The following TYR variants were observed in gnomAD, a reference collection of about 807,000 sequenced individuals.
TYR encodes the protein tyrosinase, also known as LB24-AB.
TYR carries 58 observed loss-of-function variants against 51.5 expected under a neutral mutation model. The observed-to-expected ratio is 1.13, with a 90% CI of 0.91 to 1.40. The LOEUF is 1.40. Ranked by LOEUF, TYR falls within the 40% of genes most tolerant of loss-of-function variation. The pLI is 0.00. For missense variants in TYR, 732 were observed against 647.4 expected, an observed-to-expected ratio of 1.13 and a Z score of -1.42; for synonymous variants, 263 against 235.2, an observed-to-expected ratio of 1.12 and a Z score of -1.08.
chr11:89,219,851 C>A (rs905109245), intron 2 of TYR, among the ~76,000 whole-genome samples: 1 of 152,198 alleles, frequency 6.6e-6, no homozygotes, highest in South Asian at 2.1e-4. Flanking sequence ...AGGGCCTTTT[C>A]TACCCCAAGA....
chr11:89,206,644 T>C (rs1315924015), intron 2 of TYR, among the ~76,000 whole-genome samples: 7 of 146,598 alleles, frequency 4.8e-5, no homozygotes, highest in East Asian at 2.0e-4. Context: ...TCAACATTGA[T>C]AGAACATTCC....
intron 3 of TYR, among the ~76,000 whole-genome samples, chr11:89,269,844 T>C (rs929410383): frequency 1.3e-5 from 2 of 151,914 alleles, no homozygotes; most frequent in African/African-American, 4.8e-5. Flanking sequence ...GTTTCAACAT[T>C]AGCCAGGAAT....
At chr11:89,281,192 C>T (rs1944717927) in intron 3 of TYR, among the ~76,000 whole-genome samples, 1 of 151,638 alleles carries the variant, frequency 6.6e-6, no homozygotes, top group Admixed American at 6.6e-5. Flanking sequence ...AACTCTGACC[C>T]CTGTGGCTTA....
chr11:89,255,850 G>A (rs1944384778), intron 3 of TYR, among the ~76,000 whole-genome samples: 1 of 150,954 alleles, frequency 6.6e-6, no homozygotes, highest in African/African-American at 2.4e-5. Context: ...TTTTTTAAGA[G>A]GCAGCTTTAG....
intron 2 of TYR, among the ~76,000 whole-genome samples, chr11:89,194,273 G>T (rs949209804): frequency 3.3e-5 from 5 of 151,952 alleles, no homozygotes; most frequent in African/African-American, 1.2e-4. Flanking sequence ...CATTTTGAGT[G>T]TATCTAATAT....
At position 89,282,865 on chromosome 11, in the gene TYR, A is replaced by G. The variant is rs543412060; in HGVS notation, c.1185-1908A>G. On this transcript the variant is annotated intron_variant, in intron 3 of 4. Coordinates refer to ENST00000263321, the MANE Select transcript of TYR (RefSeq NM_000372.5). ...TCATCAATTTTAAAGTTTTTCCAGT[A>G]TAGTCATAATACTTAGGAGGGGGAA... Among the ~76,000 whole-genome samples the G allele has an allele frequency of 2.6e-5, 4 of 151,950 alleles. No individual in the cohort carries two copies. The South Asian group carries it at 6.2e-4, about 24-fold the overall frequency.
chr11:89,292,672 T>A (rs1944863583), intron 4 of TYR, among the ~76,000 whole-genome samples: 1 of 152,170 alleles, frequency 6.6e-6, no homozygotes, highest in South Asian at 2.1e-4. Flanking sequence ...AGTTATTGTT[T>A]TCCCTGGTTT....
chr11:89,264,084 A>C (rs1944495259), intron 3 of TYR, among the ~76,000 whole-genome samples: 1 of 152,016 alleles, frequency 6.6e-6, no homozygotes, highest in Non-Finnish European at 1.5e-5. Flanking sequence ...TAGAGACTTT[A>C]AGTGGGGGAG....
intron 2 of TYR, among the ~76,000 whole-genome samples, chr11:89,201,036 T>A (rs1591149823): frequency 6.6e-6 from 1 of 152,182 alleles, no homozygotes; most frequent in East Asian, 1.9e-4. Flanking sequence ...TGTAAAATAC[T>A]CAGTTAAGTG....
At chr11:89,278,223 T>C (rs2135319640) in intron 3 of TYR, among the ~76,000 whole-genome samples, 1 of 151,770 alleles carries the variant, frequency 6.6e-6, no homozygotes, top group African/African-American at 2.4e-5. Context: ...AGACTTTTCC[T>C]CAGGCCACAG....
intron 1 of TYR, among the ~76,000 whole-genome samples, chr11:89,188,514 G>A (rs1943404516): frequency 6.6e-6 from 1 of 152,044 alleles, no homozygotes; most frequent in African/African-American, 2.4e-5. Flanking sequence ...TGGGAAAGTA[G>A]GGAGAGATGA....
At chr11:89,243,682 A>C (rs1440237011) in intron 3 of TYR, among the ~76,000 whole-genome samples, 11 of 152,304 alleles carry the variant, frequency 7.2e-5, no homozygotes, top group African/African-American at 2.4e-4. Context: ...AAAGTGTAAC[A>C]ATGTCCAACT....
chr11:89,279,230 C>T (rs72965041), intron 3 of TYR, among the ~76,000 whole-genome samples: 10,212 of 151,704 alleles, frequency 0.067, 414 homozygotes, highest in East Asian at 0.12. Flanking sequence ...AAAACTAGAA[C>T]CTTTCTTTTC....
intron 4 of TYR, among the ~76,000 whole-genome samples, chr11:89,292,300 G>A (rs1944860727): frequency 6.6e-6 from 1 of 151,896 alleles, no homozygotes; most frequent in South Asian, 2.1e-4. Context: ...CACTATACCA[G>A]ATTCTAGAAT....
chr11:89,193,276 G>A (rs1305297185), intron 2 of TYR, among the ~76,000 whole-genome samples: 6 of 152,088 alleles, frequency 3.9e-5, no homozygotes, highest in Non-Finnish European at 8.8e-5. Flanking sequence ...TAAGAAGCAT[G>A]GGTTAGTTGC....
intron 2 of TYR, chr11:89,192,092 T>C: frequency 5.1e-6 from 2 of 393,494 alleles, no homozygotes; most frequent in Admixed American, 3.4e-5. Context: ...TCCCTCTCAT[T>C]ATCCCTTAAG....
In TYR at chr11:89,295,214, G is replaced by C. The variant is rs150432265; in HGVS notation, c.1438G>C (p.Gly480Arg). The C allele has an allele frequency of 1.5e-5, 25 of 1,613,866 alleles. No homozygotes were observed. Among genetic ancestry groups the C allele is most frequent in the Non-Finnish European group, 2.0e-5 (24 of 1,179,886 alleles). ...QASRIWSWLL[G>R]AAMVGAVLTA... is the part of the protein sequence containing the mutation. ...GAGTCGGATCTGGTCATGGCTCCTT[G>C]GGGCGGCGATGGTAGGGGCCGTCCT... Residue 480 changes from glycine to arginine, a missense_variant, in exon 5 of 5, where the codon GGG becomes CGG. Gly to Arg is a moderately radical substitution (Grantham distance 125). Coordinates refer to ENST00000263321, the MANE Select transcript of TYR (RefSeq NM_000372.5).
chr11:89,224,068 G>A (rs1431320836), intron 2 of TYR, among the ~76,000 whole-genome samples: 3 of 152,098 alleles, frequency 2.0e-5, no homozygotes, highest in Non-Finnish European at 2.9e-5. Context: ...GATATAGGAT[G>A]AGAGCAGGCA....
intron 1 of TYR, among the ~76,000 whole-genome samples, chr11:89,184,480 T>C (rs1450131519): frequency 2.0e-5 from 3 of 152,162 alleles, no homozygotes; most frequent in Non-Finnish European, 4.4e-5. Context: ...TCATAATTAA[T>C]GTAGTGGGTA....
Sources: gnomAD v4.1 joint callset for allele counts (sites outside exome capture counted in the v4.1 genomes callset) on GRCh38, gnomAD v4.1.1 for gene constraint, MANE v1.5 for transcripts, NCBI Gene and HGNC (gene_info 2026-07-23, HGNC 2026-07-21) for gene names.